HUNK: variants seen among roughly 807,000 people sequenced by gnomAD.
HUNK encodes the protein hormonally up-regulated Neu-associated kinase.
A neutral mutation model predicts 61.0 loss-of-function variants in HUNK; 21 were observed. The ratio of observed to expected loss-of-function variants is 0.34; its 90% CI spans 0.24 to 0.50. The LOEUF is 0.50. Among genes scored for constraint, HUNK ranks in the 20% least tolerant of loss-of-function variants. The probability of loss-of-function intolerance (pLI) is 0.98; values close to 1 mark genes in which losing one functional copy is unlikely to be tolerated. For missense variants in HUNK, 772 were observed against 945.7 expected, an observed-to-expected ratio of 0.82 and a Z score of 2.41; for synonymous variants, 371 against 386.1, an observed-to-expected ratio of 0.96 and a Z score of 0.46.
chr21:31,880,570 C>T (rs2052299155), intron 1 of HUNK, among the ~76,000 whole-genome samples: 1 of 152,178 alleles, frequency 6.6e-6, no homozygotes, highest in Non-Finnish European at 1.5e-5. Flanking sequence ...TCTTCTGTCT[C>T]TTAATCTTTT....
chr21:31,936,042 C>T (rs2052731500), intron 2 of HUNK, among the ~76,000 whole-genome samples: 5 of 152,284 alleles, frequency 3.3e-5, no homozygotes, highest in Admixed American at 3.3e-4. Context: ...GGTGATCAAC[C>T]CGCCTCAGCT....
chr21:31,972,282 A>G (rs1276442464), intron 6 of HUNK, among the ~76,000 whole-genome samples: 1 of 152,084 alleles, frequency 6.6e-6, no homozygotes, highest in Non-Finnish European at 1.5e-5. Flanking sequence ...TTGCATGTGA[A>G]TTTGCTCAAT....
intron 8 of HUNK, 85 bp from the exon 9 acceptor site, chr21:31,990,044 G>C: frequency 8.2e-7 from 1 of 1,213,964 alleles, no homozygotes; most frequent in East Asian, 2.3e-5. Flanking sequence ...TTCTCAACCA[G>C]AGCTGCAGGG....
chr21:31,949,825 G>A (rs1299796117), intron 4 of HUNK, among the ~76,000 whole-genome samples: 2 of 152,216 alleles, frequency 1.3e-5, no homozygotes, highest in Non-Finnish European at 2.9e-5. Context: ...GGACCAGTGT[G>A]TGCAGAGATC....
At chr21:31,916,679 C>CTTT (rs753394202) in intron 1 of HUNK, among the ~76,000 whole-genome samples, 3 of 143,500 alleles carry the variant, frequency 2.1e-5, no homozygotes, top group South Asian at 2.2e-4. Context: ...CTCTCTCTTT[C>CTTT]TTTTTTTTTT....
At chr21:31,925,593 G>GA (rs2052654151) in intron 2 of HUNK, among the ~76,000 whole-genome samples, 1 of 152,188 alleles carries the variant, frequency 6.6e-6, no homozygotes, top group Non-Finnish European at 1.5e-5. Flanking sequence ...TTCGAATTTT[G>GA]AACTTGCCCT....
chr21:31,991,254 G>A (rs943108514), intron 9 of HUNK, among the ~76,000 whole-genome samples: 1 of 151,756 alleles, frequency 6.6e-6, no homozygotes, highest in African/African-American at 2.4e-5. Flanking sequence ...GTCTTGCTGT[G>A]TCACCCAGGC....
At chr21:31,934,301 G>C (rs1228372878) in intron 2 of HUNK, among the ~76,000 whole-genome samples, 1 of 151,804 alleles carries the variant, frequency 6.6e-6, no homozygotes, top group Non-Finnish European at 1.5e-5. Flanking sequence ...AAATTAGCCG[G>C]GTGCGGTGGC....
chr21:31,896,232 C>G (rs535549383), intron 1 of HUNK, among the ~76,000 whole-genome samples: 1 of 152,088 alleles, frequency 6.6e-6, no homozygotes, highest in Admixed American at 6.5e-5. Flanking sequence ...TTTGGCAGCC[C>G]GGGCCAACTA....
rs529771760 is a variant in HUNK, at chr21:31,987,235, G to A, written c.1258-2894G>A. 1.6e-4 allele frequency among the ~76,000 whole-genome samples: 24 copies of A among 152,312 alleles called. No individual in the cohort carries two copies. In the South Asian group the frequency reaches 3.5e-3, roughly 22 times the overall value. On this transcript the variant is annotated intron_variant, in intron 8 of 10. Transcript: ENST00000270112. ...ACATATGACGTTATCATCACCAAAT[G>A]GCCGTGCCTTACGGCAGGGAGGGAC... is the stretch of plus-strand genomic sequence containing the variant.
chr21:31,922,640 C>G (rs112055557), intron 1 of HUNK, among the ~76,000 whole-genome samples: 2 of 152,274 alleles, frequency 1.3e-5, no homozygotes, highest in African/African-American at 4.8e-5. Context: ...TAGCAGTTTT[C>G]AAGTGTGCAA....
chr21:31,914,410 A>G (rs2052567897), intron 1 of HUNK, among the ~76,000 whole-genome samples: 1 of 27,694 alleles, frequency 3.6e-5, no homozygotes, highest in Admixed American at 5.9e-4. Flanking sequence ...CTCTGTCTCA[A>G]AAAAAAAAAA....
chr21:31,951,937 A>G (rs2052852543), intron 4 of HUNK, among the ~76,000 whole-genome samples: 2 of 152,214 alleles, frequency 1.3e-5, no homozygotes, highest in Admixed American at 6.5e-5. Context: ...GAGTAAAGCT[A>G]TGACTCCTTT....
At chr21:31,955,656 G>A (rs1169573431) in intron 4 of HUNK, among the ~76,000 whole-genome samples, 2 of 152,224 alleles carry the variant, frequency 1.3e-5, no homozygotes, top group African/African-American at 4.8e-5. Flanking sequence ...GGTGTTCTTA[G>A]TTATATGGTG....
At chr21:31,965,594 CTTTTTTTTTT>C (rs71193162) in intron 5 of HUNK, among the ~76,000 whole-genome samples, 1 of 127,482 alleles carries the variant, frequency 7.8e-6, no homozygotes, top group Non-Finnish European at 1.6e-5. Context: ...CTTTGTTTTT[CTTTTTTTTTT>C]TTTTTTTTTA....
chr21:31,890,260 G>A (rs62221629), intron 1 of HUNK, among the ~76,000 whole-genome samples: 7 of 148,722 alleles, frequency 4.7e-5, no homozygotes, highest in East Asian at 3.9e-4. Flanking sequence ...ACAGAGTCTC[G>A]CTCTGTTGCT....
intron 1 of HUNK, among the ~76,000 whole-genome samples, chr21:31,883,250 C>T (rs2052322207): frequency 6.6e-6 from 1 of 152,100 alleles, no homozygotes; most frequent in Non-Finnish European, 1.5e-5. Context: ...CAACTTATAA[C>T]CACACCCATC....
Position 31,958,904 on chromosome 21 carries a change from C to G in HUNK, c.808C>G (p.Leu270Val). 6.2e-7 allele frequency: 1 copy of G among 1,611,180 alleles called. No individual in the cohort carries two copies. Among genetic ancestry groups the G allele is most frequent in the Non-Finnish European group, 8.5e-7 (1 of 1,179,010 alleles). ...GCCTTTCACGGTGGAGCCTTTCAGC[C>G]TGAGGGCTTTGTACCAGAAGATGGT... Reference protein sequence around the residue: ...TLPFTVEPFSLRALYQKMVDK... With the variant: ...TLPFTVEPFSVRALYQKMVDK... The change falls in exon 5 of 11, where the codon CTG (leucine) becomes GTG (valine). Residue 270 changes from leucine (L) to valine (V), a missense_variant. Physicochemically the swap from Leu to Val is conservative, Grantham distance 32. This residue lies in a region of HUNK where 359 missense variants were observed against 501.3 expected (regional missense o/e 0.72). Coordinates refer to ENST00000270112, the MANE Select transcript of HUNK (RefSeq NM_014586.2).
chr21:31,888,784 A>G (rs2052366520), intron 1 of HUNK, among the ~76,000 whole-genome samples: 1 of 151,810 alleles, frequency 6.6e-6, no homozygotes, highest in East Asian at 1.9e-4. Context: ...GCAAAAAAAA[A>G]GGGGGTTGTA....
Sources: allele counts gnomAD v4.1 joint callset (sites outside exome capture counted in the v4.1 genomes callset), GRCh38; gene constraint gnomAD v4.1.1; regional missense constraint gnomAD v4.1.1; transcripts MANE v1.5; gene names NCBI Gene and HGNC (gene_info 2026-07-23, HGNC 2026-07-21).